The following PRKCE variants were observed in gnomAD, a reference collection of about 807,000 sequenced individuals.
PRKCE encodes protein kinase C epsilon.
Under a neutral mutation model 85.4 loss-of-function variants are expected in PRKCE, and 16 were observed. That is an observed-to-expected ratio of 0.19 (90% confidence interval 0.13 to 0.28). PRKCE has a LOEUF of 0.28. PRKCE is among the 10% of genes least tolerant of loss of function. The pLI is 1.00. For synonymous variants in PRKCE, 388 were observed against 371.5 expected, an observed-to-expected ratio of 1.04 and a Z score of -0.51; for missense variants, 573 against 975.2, an observed-to-expected ratio of 0.59 and a Z score of 5.49.
At chr2:46,064,069 G>A (rs201975978) in intron 10 of PRKCE, among the ~76,000 whole-genome samples, 1 of 152,046 alleles carries the variant, frequency 6.6e-6, no homozygotes, top group South Asian at 2.1e-4. Context: ...ATCACTTGAG[G>A]TCAGGAGTTC....
At chr2:46,133,746 T>C (rs957265957) in intron 11 of PRKCE, among the ~76,000 whole-genome samples, 1 of 152,132 alleles carries the variant, frequency 6.6e-6, no homozygotes, top group Non-Finnish European at 1.5e-5. Flanking sequence ...TGAGGACCAA[T>C]CTGTGAACAC....
chr2:45,885,881 A>G (rs1046110028), intron 2 of PRKCE, among the ~76,000 whole-genome samples: 1 of 152,230 alleles, frequency 6.6e-6, no homozygotes, highest in Non-Finnish European at 1.5e-5. Context: ...TTTTAAGTGC[A>G]CGAGGGAGCC....
chr2:46,012,214 G>A lies in PRKCE; in HGVS notation c.1437+1697G>A, dbSNP rs145356688. Among the ~76,000 whole-genome samples, 771 of 152,106 alleles carry A rather than the reference G, an allele frequency of 5.1e-3. 4 individuals carry two copies. Among genetic ancestry groups the A allele is most frequent in the Non-Finnish European group, 7.9e-3 (537 of 68,000 alleles). On this transcript the variant is annotated intron_variant, in intron 10 of 14. Transcript: ENST00000306156. Reference sequence around the variant, plus strand: ...TATCACAGGGCCTCACACTTGACAGGTACCCACGGACAGAATCAAAGACTT... The same window carrying A: ...TATCACAGGGCCTCACACTTGACAGATACCCACGGACAGAATCAAAGACTT...
intron 2 of PRKCE, among the ~76,000 whole-genome samples, chr2:45,975,788 G>C (rs982474272): frequency 6.6e-6 from 1 of 152,180 alleles, no homozygotes; most frequent in Admixed American, 6.5e-5. Flanking sequence ...CCATGGTGGT[G>C]GTCTTGAGCC....
In PRKCE at chr2:46,160,144, T is replaced by A. The variant is rs1677610391; in HGVS notation, c.2067+392T>A. ...AGTTTAAAGGAAAATATTAACTAAA[T>A]AATAGCCGTGGTCATTCCGTGGAAC... On this transcript the variant is annotated intron_variant, in intron 14 of 14. Transcript: ENST00000306156. The A allele has an allele frequency of 2.9e-5, 6 of 208,906 alleles. No homozygotes were observed. In the South Asian group the frequency reaches 4.4e-4, roughly 15 times the overall value. The allele number at this position is 208,906 out of a possible 1,614,324, so 12.9% of individuals were successfully genotyped here.
intron 14 of PRKCE, among the ~76,000 whole-genome samples, chr2:46,160,325 C>A (rs1019881408): frequency 6.6e-6 from 1 of 152,154 alleles, no homozygotes; most frequent in Non-Finnish European, 1.5e-5. Context: ...GATTCTCAGG[C>A]CTGCTGTGAT....
intron 11 of PRKCE, among the ~76,000 whole-genome samples, chr2:46,118,472 G>C (rs575242121): frequency 4.6e-5 from 7 of 152,330 alleles, no homozygotes; most frequent in African/African-American, 1.7e-4. Context: ...AAAAATCAGT[G>C]TGATCTGGTA....
At chr2:45,653,653 A>G (rs1384344799) in intron 1 of PRKCE, among the ~76,000 whole-genome samples, 1 of 151,982 alleles carries the variant, frequency 6.6e-6, no homozygotes, top group Non-Finnish European at 1.5e-5. Flanking sequence ...ATCACCTTAC[A>G]TATTTTTTTC....
intron 1 of PRKCE, among the ~76,000 whole-genome samples, chr2:45,717,077 A>C (rs1680189362): frequency 6.6e-6 from 1 of 152,134 alleles, no homozygotes; most frequent in Non-Finnish European, 1.5e-5. Flanking sequence ...ACACAGCCAA[A>C]CCATGTCACA....
chr2:46,010,183 C>A (rs1428846377), intron 9 of PRKCE, among the ~76,000 whole-genome samples, 161 bp from the exon 10 acceptor site: 2 of 152,208 alleles, frequency 1.3e-5, no homozygotes, highest in African/African-American at 4.8e-5. Flanking sequence ...CTACCTCAGC[C>A]TCCCAAGTAT....
intron 10 of PRKCE, among the ~76,000 whole-genome samples, chr2:46,016,292 CTT>C (rs1191524823): frequency 6.6e-6 from 1 of 152,084 alleles, no homozygotes; most frequent in South Asian, 2.1e-4. Context: ...GCTCTACTCT[CTT>C]GTGAAGGAAT....
At chr2:45,695,209 G>C (rs546028252) in intron 1 of PRKCE, among the ~76,000 whole-genome samples, 2 of 152,180 alleles carry the variant, frequency 1.3e-5, no homozygotes, top group African/African-American at 4.8e-5. Flanking sequence ...TCTTCTTCTT[G>C]ACTTTGGTCT....
At chr2:45,856,087 A>T (rs1443746732) in intron 2 of PRKCE, among the ~76,000 whole-genome samples, 6 of 152,210 alleles carry the variant, frequency 3.9e-5, no homozygotes, top group South Asian at 4.1e-4. Context: ...AAAAAATTAT[A>T]ATCGATACAT....
chr2:46,082,414 G>T (rs1669175565), intron 10 of PRKCE, among the ~76,000 whole-genome samples: 1 of 152,184 alleles, frequency 6.6e-6, no homozygotes, highest in Non-Finnish European at 1.5e-5. Context: ...GTTTCTGAAG[G>T]GTGAAGCTTT....
At chr2:46,029,622 G>A (rs1223459342) in intron 10 of PRKCE, among the ~76,000 whole-genome samples, 2 of 151,898 alleles carry the variant, frequency 1.3e-5, no homozygotes, top group African/African-American at 2.4e-5. Flanking sequence ...AAGAGCTCAA[G>A]CAAGCCTGTT....
chr2:45,709,115 C>G (rs1026489753), intron 1 of PRKCE, among the ~76,000 whole-genome samples: 1 of 152,224 alleles, frequency 6.6e-6, no homozygotes, highest in Non-Finnish European at 1.5e-5. Context: ...CTGCTCACAC[C>G]TGGAGCTGCC....
chr2:46,169,837 G>A (rs1048293550), intron 14 of PRKCE, among the ~76,000 whole-genome samples: 6 of 152,102 alleles, frequency 3.9e-5, no homozygotes, highest in Admixed American at 2.0e-4. Context: ...CCCAAAATGT[G>A]GCACTTCAGA....
Position 45,905,979 on chromosome 2 carries a change from G to A in PRKCE, c.412+62916G>A, listed in dbSNP as rs1380870061. On this transcript the variant is annotated intron_variant, in intron 2 of 14. Coordinates refer to ENST00000306156, the MANE Select transcript of PRKCE (RefSeq NM_005400.3). This position sits in a 1 kb window ranked among gnomAD's most constrained non-coding sequence, Gnocchi z 4.4. The stretch of plus-strand genomic sequence containing the variant: ...GGCAGGCTATCTTCAGCGGTGATGC[G>A]CTTTCAACCCTCCTCCCCTACCCAC... Among the ~76,000 whole-genome samples, 2 of 152,204 alleles carry A rather than the reference G, an allele frequency of 1.3e-5. No individual in the cohort carries two copies. The highest frequency in any genetic ancestry group is 2.4e-5 in the African/African-American group (1 of 41,448).
rs57513298 is a variant in PRKCE at position 45,813,726 on chromosome 2, G to T, written c.349-29274G>T. Among the ~76,000 whole-genome samples the T allele has an allele frequency of 5.3e-3, 807 of 152,264 alleles. 6 individuals carry two copies. The highest frequency in any genetic ancestry group is 0.048 in the Middle Eastern group (14 of 294). On this transcript the variant is annotated intron_variant, in intron 1 of 14. Coordinates refer to ENST00000306156, the MANE Select transcript of PRKCE (RefSeq NM_005400.3). ...CAAGAAAAAAGAACACAGACAGACC[G>T]AGCAGGGTCTAAATTGTGGCCTGTT...
Sources: gnomAD v4.1 joint callset for allele counts (sites outside exome capture counted in the v4.1 genomes callset) on GRCh38, gnomAD v4.1.1 for gene constraint, Gnocchi (gnomAD v3.1) non-coding constraint, MANE v1.5 for transcripts, NCBI Gene and HGNC (gene_info 2026-07-23, HGNC 2026-07-21) for gene names.